Variants in UNC5C observed in about 807,000 individuals in gnomAD.
The protein encoded by UNC5C is unc-5 netrin receptor C.
Under a neutral mutation model 99.8 loss-of-function variants are expected in UNC5C, and 47 were observed. That is an observed-to-expected ratio of 0.47 (90% CI 0.37 to 0.60). UNC5C has a LOEUF of 0.60. Among genes scored for constraint, UNC5C ranks in the 20% least tolerant of loss-of-function variants. The pLI is 0.00. For missense variants in UNC5C, 1,062 were observed against 1,165.9 expected, an observed-to-expected ratio of 0.91 and a Z score of 1.30; for synonymous variants, 487 against 452.2, an observed-to-expected ratio of 1.08 and a Z score of -0.98.
intron 1 of UNC5C, among the ~76,000 whole-genome samples, chr4:95,373,054 C>T (rs181146279): frequency 1.4e-4 from 21 of 152,226 alleles, no homozygotes; most frequent in Admixed American, 7.8e-4. Context: ...ACTCCTACAA[C>T]GTCTTCTGCT....
intron 1 of UNC5C, among the ~76,000 whole-genome samples, chr4:95,427,074 G>C (rs543714133): frequency 6.6e-5 from 10 of 152,274 alleles, no homozygotes; most frequent in African/African-American, 2.4e-4. Flanking sequence ...TGACTTTGAG[G>C]GGGTTCAAGA....
intron 3 of UNC5C, among the ~76,000 whole-genome samples, chr4:95,298,033 G>A (rs1560775295): frequency 6.6e-6 from 1 of 152,220 alleles, no homozygotes. Context: ...TATGGGCCGA[G>A]TGTGGTGGCT....
chr4:95,359,486 TAAA>T (rs200873467), intron 1 of UNC5C, among the ~76,000 whole-genome samples: 1 of 144,352 alleles, frequency 6.9e-6, no homozygotes. Context: ...ATACTGTTTC[TAAA>T]AAAAAAAAAG....
intron 1 of UNC5C, among the ~76,000 whole-genome samples, chr4:95,479,972 G>T (rs1342792693): frequency 6.7e-6 from 1 of 148,656 alleles, no homozygotes; most frequent in East Asian, 2.0e-4. Context: ...TCTCTTTCCT[G>T]GAATGTCTTT....
At chr4:95,279,254 T>G (rs1740967876) in intron 3 of UNC5C, among the ~76,000 whole-genome samples, 1 of 152,190 alleles carries the variant, frequency 6.6e-6, no homozygotes, top group South Asian at 2.1e-4. Flanking sequence ...ATCACTACAT[T>G]TAATCATATG....
intron 1 of UNC5C, among the ~76,000 whole-genome samples, chr4:95,508,890 A>T (rs1721995113): frequency 6.6e-6 from 1 of 151,930 alleles, no homozygotes; most frequent in Non-Finnish European, 1.5e-5. Flanking sequence ...TCTTCCAGAA[A>T]CTATTAGAAA....
At chr4:95,487,429 C>T (rs879825233) in intron 1 of UNC5C, among the ~76,000 whole-genome samples, 1 of 151,666 alleles carries the variant, frequency 6.6e-6, no homozygotes, top group Non-Finnish European at 1.5e-5. Flanking sequence ...TATTTTGCCA[C>T]AAGAGATACA....
chr4:95,536,694 C>T (rs114243935), intron 1 of UNC5C, among the ~76,000 whole-genome samples: 65 of 152,122 alleles, frequency 4.3e-4, no homozygotes, highest in African/African-American at 1.5e-3. Context: ...AAAATAGTCA[C>T]TTTTAATAGA....
At chr4:95,244,272 G>C (rs982404365) in intron 6 of UNC5C, among the ~76,000 whole-genome samples, 3 of 152,020 alleles carry the variant, frequency 2.0e-5, no homozygotes, top group African/African-American at 7.3e-5. Context: ...CATTTTAAAG[G>C]GTTTTGTTTT....
intron 1 of UNC5C, among the ~76,000 whole-genome samples, chr4:95,369,428 T>C (rs1440886675): frequency 6.6e-6 from 1 of 151,778 alleles, no homozygotes; most frequent in African/African-American, 2.4e-5. Flanking sequence ...GGTGCATGCC[T>C]GTAGTCCCAG....
intron 1 of UNC5C, among the ~76,000 whole-genome samples, chr4:95,508,636 C>T (rs556340479): frequency 1.3e-5 from 2 of 151,858 alleles, no homozygotes; most frequent in Non-Finnish European, 2.9e-5. Context: ...TACTGTTACT[C>T]ATTTTTCAGT....
intron 7 of UNC5C, among the ~76,000 whole-genome samples, chr4:95,238,200 G>T (rs1739195859): frequency 6.6e-6 from 1 of 152,048 alleles, no homozygotes; most frequent in South Asian, 2.1e-4. Flanking sequence ...CCTTTTACAG[G>T]TGAGTTTAAT....
At chr4:95,425,913 G>T (rs1238659666) in intron 1 of UNC5C, among the ~76,000 whole-genome samples, 1 of 151,920 alleles carries the variant, frequency 6.6e-6, no homozygotes, top group East Asian at 1.9e-4. Context: ...TAACTTCAAA[G>T]AGTTTTTTAA....
intron 1 of UNC5C, among the ~76,000 whole-genome samples, chr4:95,496,157 CAAG>C (rs1188218442): frequency 6.6e-6 from 1 of 151,726 alleles, no homozygotes; most frequent in Non-Finnish European, 1.5e-5. Context: ...AACTTAGCAA[CAAG>C]AAGAGTGGCA....
intron 4 of UNC5C, among the ~76,000 whole-genome samples, chr4:95,259,083 C>T (rs1005205627): frequency 1.3e-5 from 2 of 152,086 alleles, no homozygotes; most frequent in African/African-American, 2.4e-5. Context: ...TTCTAAGGAG[C>T]AGTTCCTAAA....
intron 3 of UNC5C, among the ~76,000 whole-genome samples, chr4:95,286,860 G>A (rs777551889): frequency 2.6e-5 from 4 of 152,144 alleles, no homozygotes; most frequent in Non-Finnish European, 4.4e-5. Flanking sequence ...GTAATATGGA[G>A]TTTTATGAGA....
chr4:95,419,283 G>T (rs1237869076), intron 1 of UNC5C, among the ~76,000 whole-genome samples: 2 of 151,920 alleles, frequency 1.3e-5, no homozygotes, highest in Non-Finnish European at 2.9e-5. Flanking sequence ...AACATATATG[G>T]AAAAAAGTAA....
chr4:95,191,953 C>A lies in UNC5C; in HGVS notation c.2137-6757G>T, dbSNP rs148851886. ...TCCTCCCCTGCTCACCTCTTCTGCT[C>A]ACCTTCCTCCCCTGCTCACCTCCTC... On this transcript the variant is annotated intron_variant, in intron 12 of 15. Coordinates refer to ENST00000453304, the MANE Select transcript of UNC5C (RefSeq NM_003728.4). Among the ~76,000 whole-genome samples, 648 of 127,958 alleles carry A rather than the reference C, an allele frequency of 5.1e-3. 7 individuals are homozygous for A. The highest frequency in any genetic ancestry group is 0.018 in the African/African-American group (611 of 33,208). 83.9% of individuals were successfully genotyped at this position (127,958 alleles called of 152,430 possible).
At chr4:95,458,240 T>A (rs1274963713) in intron 1 of UNC5C, among the ~76,000 whole-genome samples, 3 of 152,030 alleles carry the variant, frequency 2.0e-5, no homozygotes, top group Non-Finnish European at 4.4e-5. Context: ...GTCTGTCCCA[T>A]TGTAGTATGA....
Sources: allele counts gnomAD v4.1 joint callset (sites outside exome capture counted in the v4.1 genomes callset), GRCh38; gene constraint gnomAD v4.1.1; transcripts MANE v1.5; gene names NCBI Gene and HGNC (gene_info 2026-07-23, HGNC 2026-07-21).